Variants in VAV1 observed in about 807,000 individuals in gnomAD.
The protein encoded by VAV1 is vav guanine nucleotide exchange factor 1, also known as proto-oncogene vav.
In VAV1, 33 loss-of-function variants were observed where a neutral mutation model predicts 128.1. The observed-to-expected ratio is 0.26, with a 90% CI of 0.20 to 0.34. The LOEUF (loss-of-function observed/expected upper bound fraction) is 0.34, where lower values mean the gene tolerates loss of function less well. Ranked by LOEUF, VAV1 falls within the 10% of genes least tolerant of loss-of-function variation. VAV1 has a pLI of 1.00. For synonymous variants in VAV1, 394 were observed against 409.8 expected, an observed-to-expected ratio of 0.96 and a Z score of 0.47; for missense variants, 715 against 1,093.7, an observed-to-expected ratio of 0.65 and a Z score of 4.88.
At chr19:6,830,144 C>T (rs544774993) in intron 14 of VAV1, among the ~76,000 whole-genome samples, 39 of 152,272 alleles carry the variant, frequency 2.6e-4, no homozygotes, top group Middle Eastern at 6.8e-3. Context: ...CCGCAACCTC[C>T]GCCTCCTGGG....
chr19:6,837,162 T>C, intron 21 of VAV1, 112 bp downstream of exon 21: 1 of 1,116,730 alleles, frequency 9.0e-7, no homozygotes, highest in African/African-American at 1.5e-5. Context: ...CTGCCCATCA[T>C]GGCAGGTCTT....
intron 22 of VAV1, among the ~76,000 whole-genome samples, chr19:6,844,934 T>A (rs331681): frequency 6.6e-6 from 1 of 151,838 alleles, no homozygotes; most frequent in East Asian, 1.9e-4. Flanking sequence ...CCAATAGAGC[T>A]GGGAGTAAGA....
At chr19:6,842,316 G>A (rs1972398789) in intron 21 of VAV1, among the ~76,000 whole-genome samples, 1 of 152,120 alleles carries the variant, frequency 6.6e-6, no homozygotes, top group African/African-American at 2.4e-5. Flanking sequence ...ATGAGGGTTG[G>A]TAAACTTTTT....
Position 6,826,809 on chromosome 19 carries a change from T to C in VAV1, c.927+98T>C. On this transcript the variant is annotated intron_variant, in intron 9 of 26. Coordinates refer to ENST00000602142, the MANE Select transcript of VAV1 (RefSeq NM_005428.4). The surrounding 1 kb of genome is among the most constrained non-coding windows in gnomAD (Gnocchi z 4.1). ...GAGTTGCAGATGGTCCACTTTCTGCTGCAGCCCAGCCAGAGATCCACCAAA... is the reference window on the plus strand; with the variant it reads ...GAGTTGCAGATGGTCCACTTTCTGCCGCAGCCCAGCCAGAGATCCACCAAA... 1.0e-6 allele frequency: 1 copy of C among 956,112 alleles called. No homozygotes were observed. Among genetic ancestry groups the C allele is most frequent in the Non-Finnish European group, 1.6e-6 (1 of 623,512 alleles). The allele number at this position is 956,112 out of a possible 1,614,324, so 59.2% of individuals were successfully genotyped here.
chr19:6,805,320 G>A (rs1349473315), intron 1 of VAV1, among the ~76,000 whole-genome samples: 1 of 151,896 alleles, frequency 6.6e-6, no homozygotes, highest in African/African-American at 2.4e-5. Context: ...AGCTACTCAG[G>A]AGGCTGAGGC....
At chr19:6,833,407 G>T in intron 16 of VAV1, 121 bp from the exon 17 acceptor site, 1 of 1,370,910 alleles carries the variant, frequency 7.3e-7, no homozygotes, top group Non-Finnish European at 1.0e-6. Context: ...TTGATCTTCT[G>T]CTTCTCCGTC....
intron 22 of VAV1, among the ~76,000 whole-genome samples, chr19:6,845,768 ATTATAT>A (rs1972505985): frequency 6.7e-6 from 1 of 148,180 alleles, no homozygotes; most frequent in African/African-American, 2.4e-5. Flanking sequence ...TTTACATTAT[ATTATAT>A]TTATCTACAA....
Position 6,828,145 on chromosome 19 carries a change from G to A in VAV1, c.997G>A (p.Val333Ile), listed in dbSNP as rs779910201. 5.0e-6 allele frequency: 8 copies of A among 1,614,074 alleles called. No individual in the cohort carries two copies. The African/African-American group carries it at 1.1e-4, about 22-fold the overall frequency. ...CCTGCTGATGGTGCCTATGCAGCGA[G>A]TTCTCAAATATCACCTCCTTCTCCA... ...RDLLMVPMQRVLKYHLLLQEL... is the reference protein window; with the variant it reads ...RDLLMVPMQRILKYHLLLQEL... Residue 333 changes from valine to isoleucine, a missense_variant, in exon 10 of 27, where the codon GTT becomes ATT. Around this residue, in one of 3 missense-constraint regions of VAV1, gnomAD observed 302 missense variants for 477.8 expected, o/e 0.63. Transcript: ENST00000602142. The surrounding 1 kb of genome is among the most constrained non-coding windows in gnomAD (Gnocchi z 4.5).
chr19:6,786,058 C>T (rs766208722), intron 1 of VAV1, among the ~76,000 whole-genome samples: 2 of 152,060 alleles, frequency 1.3e-5, no homozygotes, highest in Non-Finnish European at 2.9e-5. Context: ...TATTTTTCTC[C>T]ATAGCACTTA....
chr19:6,815,413 G>A (rs1055724492), intron 1 of VAV1, among the ~76,000 whole-genome samples: 4 of 152,112 alleles, frequency 2.6e-5, no homozygotes, highest in African/African-American at 9.7e-5. Context: ...AAAGTGCTGG[G>A]ATTACAGGTA....
intron 1 of VAV1, among the ~76,000 whole-genome samples, chr19:6,817,505 C>G (rs1971682518): frequency 6.6e-6 from 1 of 151,974 alleles, no homozygotes. Flanking sequence ...CAGGGGCCTC[C>G]TACACATAAG....
chr19:6,780,149 A>G (rs1970739423), intron 1 of VAV1, among the ~76,000 whole-genome samples: 1 of 143,230 alleles, frequency 7.0e-6, no homozygotes, highest in South Asian at 2.3e-4. Flanking sequence ...TAATAATAAT[A>G]ATAATAATAA....
intron 1 of VAV1, among the ~76,000 whole-genome samples, chr19:6,797,356 T>A (rs770882119): frequency 3.3e-5 from 5 of 152,174 alleles, no homozygotes; most frequent in Non-Finnish European, 5.9e-5. Context: ...TAAGAATAGT[T>A]TGAATTACAA....
intron 21 of VAV1, among the ~76,000 whole-genome samples, chr19:6,839,480 C>G (rs772475295): frequency 6.6e-6 from 1 of 151,942 alleles, no homozygotes; most frequent in Non-Finnish European, 1.5e-5. Context: ...GTTGGTCAGG[C>G]TGATCTCAAA....
At chr19:6,856,640 C>G (rs961413484) in intron 26 of VAV1, among the ~76,000 whole-genome samples, 1 of 150,446 alleles carries the variant, frequency 6.6e-6, no homozygotes, top group Non-Finnish European at 1.5e-5. Flanking sequence ...AGGAGAATCA[C>G]TTGAACCCGG....
chr19:6,830,308 C>A (rs781481384), intron 14 of VAV1, among the ~76,000 whole-genome samples: 1 of 151,998 alleles, frequency 6.6e-6, no homozygotes, highest in Non-Finnish European at 1.5e-5. Context: ...CCACCTGCCT[C>A]GGCCTCCCAA....
At chr19:6,806,156 G>A (rs1300676874) in intron 1 of VAV1, among the ~76,000 whole-genome samples, 5 of 151,968 alleles carry the variant, frequency 3.3e-5, no homozygotes, top group South Asian at 2.1e-4. Context: ...GCACGATCTC[G>A]GCTCACTGCA....
Position 6,828,409 on chromosome 19 carries a change from G to A in VAV1, c.1024-10G>A. On this transcript the variant is annotated splice_polypyrimidine_tract_variant and intron_variant, in intron 10 of 26. Transcript: ENST00000602142. The surrounding 1 kb of genome is among the most constrained non-coding windows in gnomAD (Gnocchi z 4.5). ...GGCCCAGGTGACGTCTGACGTCTTG[G>A]TTCTCTCAGGAGCTGGTGAAACACA... is the stretch of plus-strand genomic sequence containing the variant. The A allele has an allele frequency of 6.2e-7, 1 of 1,614,120 alleles. No individual in the cohort carries two copies. Among genetic ancestry groups the A allele is most frequent in the Non-Finnish European group, 8.5e-7 (1 of 1,180,028 alleles).
chr19:6,796,528 C>T (rs1971140281), intron 1 of VAV1, among the ~76,000 whole-genome samples: 1 of 152,304 alleles, frequency 6.6e-6, no homozygotes, highest in East Asian at 1.9e-4. Flanking sequence ...GCTGTTCCCT[C>T]TGCCTGAAAT....
Sources: allele counts gnomAD v4.1 joint callset (sites outside exome capture counted in the v4.1 genomes callset), GRCh38; gene constraint gnomAD v4.1.1; regional missense constraint gnomAD v4.1.1; non-coding constraint Gnocchi (gnomAD v3.1); transcripts MANE v1.5; gene names NCBI Gene and HGNC (gene_info 2026-07-23, HGNC 2026-07-21).